The following LYN variants were observed in gnomAD, a reference collection of about 807,000 sequenced individuals.
LYN encodes the protein tyrosine-protein kinase Lyn.
Under a neutral mutation model 65.0 loss-of-function variants are expected in LYN, and 12 were observed. The observed-to-expected ratio is 0.18, with a 90% confidence interval of 0.12 to 0.30. The LOEUF is 0.30. Ranked by LOEUF, LYN falls within the 10% of genes least tolerant of loss-of-function variation. The pLI is 1.00. For missense variants in LYN, 380 were observed against 623.2 expected, an observed-to-expected ratio of 0.61 and a Z score of 4.16; for synonymous variants, 222 against 221.2, an observed-to-expected ratio of 1.00 and a Z score of -0.03.
chr8:56,003,901 A>G (rs1295060666), intron 12 of LYN, among the ~76,000 whole-genome samples: 1 of 151,214 alleles, frequency 6.6e-6, no homozygotes, highest in Non-Finnish European at 1.5e-5. Flanking sequence ...ATTTTTTTAC[A>G]ATGATATTGT....
intron 1 of LYN, among the ~76,000 whole-genome samples, chr8:55,896,397 CAT>C: frequency 6.6e-6 from 1 of 151,916 alleles, no homozygotes; most frequent in East Asian, 1.9e-4. Context: ...AGCAAACTAA[CAT>C]AAGAACAGAA....
chr8:55,964,870 T>C (rs377100066), intron 8 of LYN, among the ~76,000 whole-genome samples: 1 of 152,224 alleles, frequency 6.6e-6, no homozygotes, highest in Non-Finnish European at 1.5e-5. Context: ...CTTTCTATGC[T>C]ATTCACATAC....
Position 55,952,234 on chromosome 8 carries a change from G to T in LYN, c.637+119G>T. On this transcript the variant is annotated intron_variant, in intron 7 of 12. Coordinates refer to ENST00000519728, the MANE Select transcript of LYN (RefSeq NM_002350.4). Reference sequence around the variant, plus strand: ...CATCGTATTTCTCTTAGATACAGTTGCAGGTCATATTCTATAAGTGGTTCT... The same window carrying T: ...CATCGTATTTCTCTTAGATACAGTTTCAGGTCATATTCTATAAGTGGTTCT... 11 of 775,132 alleles carry T rather than the reference G, an allele frequency of 1.4e-5. No homozygotes were observed. In the South Asian group the frequency reaches 2.4e-4, roughly 17 times the overall value. 48.0% of individuals were successfully genotyped at this position (775,132 alleles called of 1,614,324 possible). A position where few individuals can be genotyped will look rare whatever the true frequency, so the allele number is the denominator to read the frequency against.
chr8:55,959,430 A>G (rs1807212466), intron 8 of LYN, among the ~76,000 whole-genome samples: 2 of 152,256 alleles, frequency 1.3e-5, no homozygotes, highest in Admixed American at 1.3e-4. Flanking sequence ...GAGGGATTAC[A>G]TAACAATTGA....
chr8:55,997,393 T>C (rs1160521772), intron 10 of LYN, among the ~76,000 whole-genome samples: 1 of 152,178 alleles, frequency 6.6e-6, no homozygotes, highest in Non-Finnish European at 1.5e-5. Context: ...ACGAGAGACA[T>C]TTATTTCCCA....
intron 1 of LYN, among the ~76,000 whole-genome samples, chr8:55,918,134 C>T (rs117107513): frequency 1.3e-5 from 2 of 152,234 alleles, no homozygotes; most frequent in Non-Finnish European, 1.5e-5. Context: ...GATGCTGGCT[C>T]GACTCAGACA....
At chr8:55,920,861 T>C (rs1427186997) in intron 1 of LYN, among the ~76,000 whole-genome samples, 1 of 149,878 alleles carries the variant, frequency 6.7e-6, no homozygotes, top group South Asian at 2.2e-4. Context: ...CACGCCTGGC[T>C]AATTTTTGTA....
At chr8:55,903,642 TTAAG>T (rs1395482189) in intron 1 of LYN, among the ~76,000 whole-genome samples, 2 of 152,244 alleles carry the variant, frequency 1.3e-5, no homozygotes, top group Non-Finnish European at 2.9e-5. Context: ...ATCTGAATAA[TTAAG>T]TTTTATTGAG....
Position 55,938,093 on chromosome 8 carries a change from C to T in LYN, c.-5-3762C>T, listed in dbSNP as rs746242409. ...ATCACTCTTCTAATATTCTAAGGCT[C>T]TTGAATGAGGATGAGCCACCCCTAA... On this transcript the variant is annotated intron_variant, in intron 1 of 12. Transcript: ENST00000519728. Among the ~76,000 whole-genome samples the T allele has an allele frequency of 4.7e-4, 72 of 152,270 alleles. 1 individual carries two copies. The highest frequency in any genetic ancestry group is 9.6e-4 in the Non-Finnish European group (65 of 68,026).
chr8:55,918,996 C>T lies in LYN; in HGVS notation c.-5-22859C>T, dbSNP rs969804638. Among the ~76,000 whole-genome samples the T allele has an allele frequency of 1.4e-3, 177 of 122,760 alleles. 2 individuals are homozygous for T. The highest frequency in any genetic ancestry group is 7.7e-3 in the Middle Eastern group (1 of 130). The allele number at this position is 122,760 out of a possible 152,430, so 80.5% of individuals were successfully genotyped here. A position where few individuals can be genotyped will look rare whatever the true frequency, so the allele number is the denominator to read the frequency against. ...GGAGAATTGCATGAGCTCAGTTGTT[C>T]GAGACCATGGGAGACCCTGTCTCTA... is the stretch of plus-strand genomic sequence containing the variant. On this transcript the variant is annotated intron_variant, in intron 1 of 12. Transcript: ENST00000519728.
intron 10 of LYN, among the ~76,000 whole-genome samples, chr8:55,992,817 A>G (rs1446875105): frequency 6.6e-6 from 1 of 152,174 alleles, no homozygotes. Flanking sequence ...GTGGAAGGGC[A>G]CAAAAAGGGT....
chr8:55,994,058 C>T (rs185913303), intron 10 of LYN, among the ~76,000 whole-genome samples: 4 of 152,284 alleles, frequency 2.6e-5, no homozygotes, highest in African/African-American at 9.6e-5. Context: ...AAAGGAGTCT[C>T]TGATTTCTTC....
chr8:55,890,552 G>C (rs982146571), intron 1 of LYN, among the ~76,000 whole-genome samples: 3 of 152,120 alleles, frequency 2.0e-5, no homozygotes, highest in African/African-American at 7.2e-5. Context: ...ACATAGAATT[G>C]CCATATGATG....
intron 8 of LYN, among the ~76,000 whole-genome samples, chr8:55,954,301 A>G (rs1264273643): frequency 6.6e-6 from 1 of 152,222 alleles, no homozygotes; most frequent in Non-Finnish European, 1.5e-5. Context: ...CTCAAGTGCA[A>G]GAAATTTGCT....
At chr8:55,954,496 C>A (rs147452257) in intron 8 of LYN, among the ~76,000 whole-genome samples, 21 of 152,306 alleles carry the variant, frequency 1.4e-4, no homozygotes, top group African/African-American at 5.1e-4. Flanking sequence ...AAGATTATAG[C>A]AGTGGCTTTT....
In LYN at chr8:55,946,359, G is replaced by T. The variant is rs1585626608; in HGVS notation, c.133-89G>T. The T allele has an allele frequency of 4.8e-6, 4 of 839,790 alleles. No individual in the cohort carries two copies. In the East Asian group the frequency reaches 9.7e-5, roughly 20 times the overall value. 52.0% of individuals were successfully genotyped at this position (839,790 alleles called of 1,614,324 possible). On this transcript the variant is annotated intron_variant, in intron 2 of 12. Transcript: ENST00000519728. ...AATAAATGAGCCCATCCTAACATCTGCTACTGTTACAAAAATCATATATAC... is the reference window on the plus strand; with the variant it reads ...AATAAATGAGCCCATCCTAACATCTTCTACTGTTACAAAAATCATATATAC...
intron 1 of LYN, among the ~76,000 whole-genome samples, chr8:55,896,248 T>TTG (rs1330656120): frequency 3.3e-5 from 5 of 150,394 alleles, no homozygotes; most frequent in African/African-American, 4.9e-5. Context: ...CCAGCCTGGG[T>TTG]AGCAGAGCAA....
intron 1 of LYN, among the ~76,000 whole-genome samples, chr8:55,886,020 C>T (rs1563493336): frequency 6.6e-6 from 1 of 152,172 alleles, no homozygotes; most frequent in African/African-American, 2.4e-5. Flanking sequence ...TTGCGAAGCC[C>T]ACCCTGGCCA....
chr8:55,922,493 G>C (rs946106701), intron 1 of LYN, among the ~76,000 whole-genome samples: 5 of 152,116 alleles, frequency 3.3e-5, no homozygotes, highest in Non-Finnish European at 7.4e-5. Context: ...TATAAACGTA[G>C]GCTGGGTGTG....
Sources: gnomAD v4.1 joint callset for allele counts (sites outside exome capture counted in the v4.1 genomes callset) on GRCh38, gnomAD v4.1.1 for gene constraint, MANE v1.5 for transcripts, NCBI Gene and HGNC (gene_info 2026-07-23, HGNC 2026-07-21) for gene names.